ZNF292: variants seen among roughly 807,000 people sequenced by gnomAD.
ZNF292 encodes the protein 16 zinc-finger domain protein.
ZNF292 carries 26 observed loss-of-function variants against 217.9 expected under a neutral mutation model. That is an observed-to-expected ratio of 0.12 (90% CI 0.09 to 0.17). The LOEUF (loss-of-function observed/expected upper bound fraction) is 0.17, where lower values mean the gene tolerates loss of function less well. Among genes scored for constraint, ZNF292 ranks in the 10% least tolerant of loss-of-function variants. The pLI is 1.00. For missense variants in ZNF292, 2,904 were observed against 3,175.2 expected (o/e 0.91, Z 2.05); for synonymous variants, 1,257 against 1,124.1 (o/e 1.12, Z -2.37).
At chr6:87,172,807 T>C (rs1771145908) in intron 1 of ZNF292, among the ~76,000 whole-genome samples, 1 of 151,142 alleles carries the variant, frequency 6.6e-6, no homozygotes, top group Non-Finnish European at 1.5e-5. Flanking sequence ...CTCAGGAGGC[T>C]GAAATGAGAG....
intron 1 of ZNF292, among the ~76,000 whole-genome samples, chr6:87,211,064 T>C (rs186983670): frequency 2.6e-5 from 4 of 152,352 alleles, no homozygotes; most frequent in Admixed American, 2.6e-4. Flanking sequence ...CACACACATA[T>C]ACTCACTAGT....
intron 1 of ZNF292, chr6:87,173,497 C>T (rs957964879): frequency 5.6e-6 from 1 of 178,612 alleles, no homozygotes; most frequent in Admixed American, 5.5e-5. Flanking sequence ...AAACAAGGTC[C>T]TAGTCCTGAT....
intron 1 of ZNF292, among the ~76,000 whole-genome samples, chr6:87,188,718 A>AT (rs1289356862): frequency 2.1e-4 from 32 of 149,220 alleles, no homozygotes; most frequent in Non-Finnish European, 1.9e-4. Context: ...AGCCGTAGTA[A>AT]TTTTTTTTTA....
At chr6:87,203,288 C>T (rs1429121922) in intron 1 of ZNF292, among the ~76,000 whole-genome samples, 1 of 151,702 alleles carries the variant, frequency 6.6e-6, no homozygotes, top group East Asian at 1.9e-4. Context: ...ACTACAGGCA[C>T]ATGTCACCAT....
rs1554210556 is a variant in ZNF292, at chr6:87,265,107, C to CTG, written c.*3307_*3308insGT. Reference sequence around the variant, plus strand: ...GCTGTAGTTCTCTCTCTCTCTCTCTCTTTTTTTTTCTTTGTTTTTTTTGGA... The same window carrying CTG: ...GCTGTAGTTCTCTCTCTCTCTCTCTCTGTTTTTTTTTCTTTGTTTTTTTTGGA... On this transcript the variant is annotated 3_prime_UTR_variant, in exon 8 of 8. Coordinates refer to ENST00000369577, the MANE Select transcript of ZNF292 (RefSeq NM_015021.3). 1.4e-5 allele frequency among the ~76,000 whole-genome samples: 2 copies of CTG among 147,492 alleles called. No individual in the cohort carries two copies. The highest frequency in any genetic ancestry group is 3.0e-5 in the Non-Finnish European group (2 of 66,914).
intron 4 of ZNF292, chr6:87,223,002 C>T (rs1773166606): frequency 7.1e-6 from 2 of 280,008 alleles, no homozygotes; most frequent in Non-Finnish European, 1.5e-5. Context: ...AGTACCATTG[C>T]CATCACATTA....
chr6:87,188,394 C>T (rs543469676), intron 1 of ZNF292, among the ~76,000 whole-genome samples: 157 of 152,228 alleles, frequency 1.0e-3, no homozygotes, highest in Non-Finnish European at 1.9e-3. Context: ...ATGTAGAAAT[C>T]CCTTACTGTC....
At chr6:87,224,463 C>A (rs553823072) in intron 4 of ZNF292, among the ~76,000 whole-genome samples, 23 of 150,546 alleles carry the variant, frequency 1.5e-4, no homozygotes, top group East Asian at 3.9e-4. Context: ...AAAAAAACAA[C>A]AAAAAAACTG....
Position 87,257,467 on chromosome 6 carries a change from G to C in ZNF292, c.3838G>C (p.Asp1280His), listed in dbSNP as rs1399371740. The C allele has an allele frequency of 6.2e-7, 1 of 1,613,162 alleles. No homozygotes were observed. The highest frequency in any genetic ancestry group is 2.2e-5 in the East Asian group (1 of 44,870). ...SSMSLFPSPA[D>H]SGTNSVFSQL... ...AATGTCTCTCTTCCCTTCACCAGCA[G>C]ATAGTGGGACTAATTCTGTTTTTTC... The change falls in exon 8 of 8, where the codon GAT becomes CAT. Residue 1280 changes from aspartate to histidine, a missense_variant. Transcript: ENST00000369577.
At chr6:87,238,699 T>A (rs888290243) in intron 5 of ZNF292, among the ~76,000 whole-genome samples, 6 of 151,668 alleles carry the variant, frequency 4.0e-5, no homozygotes, top group East Asian at 3.9e-4. Context: ...ATTTTTTTTT[T>A]AATTGATCAT....
intron 5 of ZNF292, among the ~76,000 whole-genome samples, chr6:87,242,499 A>G (rs1056668908): frequency 6.6e-5 from 10 of 152,198 alleles, no homozygotes; most frequent in Non-Finnish European, 1.5e-4. Context: ...CATTTTACAC[A>G]TGCACATTTT....
intron 1 of ZNF292, among the ~76,000 whole-genome samples, chr6:87,208,630 A>G (rs994318004): frequency 3.9e-5 from 6 of 151,980 alleles, no homozygotes; most frequent in African/African-American, 1.5e-4. Flanking sequence ...ATTTCTCTCA[A>G]CATTAGAAGC....
intron 1 of ZNF292, among the ~76,000 whole-genome samples, chr6:87,193,493 T>C (rs1044657388): frequency 6.6e-6 from 1 of 150,446 alleles, no homozygotes; most frequent in Admixed American, 6.7e-5. Context: ...TGAGCCAAGA[T>C]GGCACCACTG....
At chr6:87,167,377 A>T (rs1335080102) in intron 1 of ZNF292, among the ~76,000 whole-genome samples, 2 of 152,234 alleles carry the variant, frequency 1.3e-5, no homozygotes, top group African/African-American at 2.4e-5. Context: ...GCAGTGGCTC[A>T]TGCCTGTAAT....
intron 4 of ZNF292, among the ~76,000 whole-genome samples, chr6:87,231,750 T>A (rs1310758324): frequency 2.0e-5 from 3 of 152,206 alleles, no homozygotes; most frequent in Admixed American, 2.0e-4. Context: ...ACCTTTAAGT[T>A]ATTTCTTCAC....
At chr6:87,166,528 T>G (rs1456130231) in intron 1 of ZNF292, among the ~76,000 whole-genome samples, 1 of 152,134 alleles carries the variant, frequency 6.6e-6, no homozygotes, top group East Asian at 1.9e-4. Context: ...AAACAAGTAG[T>G]TTTTGAATCA....
rs886235997 is a variant in ZNF292, at chr6:87,156,233, C to G, written c.168+474C>G. Among the ~76,000 whole-genome samples the G allele has an allele frequency of 2.0e-5, 3 of 152,212 alleles. No homozygotes were observed. In the South Asian group the frequency reaches 6.2e-4, roughly 31 times the overall value. The stretch of plus-strand genomic sequence containing the variant: ...CCCTGCTTTCATCCGTCCCGCCCCC[C>G]AGCCCCGGCCCTGTCCTGGCTGTCT... On this transcript the variant is annotated intron_variant, in intron 1 of 7. Coordinates refer to ENST00000369577, the MANE Select transcript of ZNF292 (RefSeq NM_015021.3).
chr6:87,175,071 T>C (rs1771239008), intron 1 of ZNF292, among the ~76,000 whole-genome samples: 1 of 152,160 alleles, frequency 6.6e-6, no homozygotes, highest in Non-Finnish European at 1.5e-5. Flanking sequence ...TTTTGAGTCT[T>C]CATCACTTTT....
At chr6:87,201,725 T>C (rs769793306) in intron 1 of ZNF292, among the ~76,000 whole-genome samples, 2 of 152,192 alleles carry the variant, frequency 1.3e-5, no homozygotes, top group African/African-American at 4.8e-5. Context: ...TTTTAAAGTA[T>C]TGCTTTTCAC....
Sources: gnomAD v4.1 joint callset for allele counts (sites outside exome capture counted in the v4.1 genomes callset) on GRCh38, gnomAD v4.1.1 for gene constraint, MANE v1.5 for transcripts, NCBI Gene and HGNC (gene_info 2026-07-23, HGNC 2026-07-21) for gene names.